Variants in SARS1 observed in about 807,000 individuals in gnomAD.
The protein encoded by SARS1 is seryl-tRNA synthetase 1.
Under a neutral mutation model 63.7 loss-of-function variants are expected in SARS1, and 25 were observed. The ratio of observed to expected loss-of-function variants is 0.39; its 90% confidence interval spans 0.29 to 0.55. The LOEUF is 0.55. SARS1 is among the 20% of genes least tolerant of loss of function. The pLI, the probability that SARS1 is intolerant of heterozygous loss-of-function variation, is 0.62. For synonymous variants in SARS1, 231 were observed against 243.5 expected (o/e 0.95, Z 0.48); for missense variants, 417 against 649.7 (o/e 0.64, Z 3.89).
chr1:109,226,677 A>AAAAAATATATATAT (rs1178056468), intron 2 of SARS1, among the ~76,000 whole-genome samples: 3 of 44,952 alleles, frequency 6.7e-5, no homozygotes, highest in African/African-American at 2.5e-4. Flanking sequence ...AAAAAAAAAA[A>AAAAAATATATATAT]ATATATATAT....
At position 109,237,018 on chromosome 1, in the gene SARS1, A is replaced by AC. The variant is rs1350789520; in HGVS notation, c.1258-224dup. 52 of 1,270,254 alleles carry AC rather than the reference A, an allele frequency of 4.1e-5. No homozygotes were observed. The highest frequency in any genetic ancestry group is 5.3e-5 in the Non-Finnish European group (50 of 938,512). 78.7% of individuals were successfully genotyped at this position (1,270,254 alleles called of 1,614,324 possible). On this transcript the variant is annotated intron_variant, in intron 9 of 10. Coordinates refer to ENST00000234677, the MANE Select transcript of SARS1 (RefSeq NM_006513.4). The surrounding 1 kb of genome is among the most constrained non-coding windows in gnomAD (Gnocchi z 4.1). ...CCCAACTCTCAGAATACCAGAAGCTACCACTTGTCACTCATCGAAACATGA... is the reference window on the plus strand; with the variant it reads ...CCCAACTCTCAGAATACCAGAAGCTACCCACTTGTCACTCATCGAAACATGA...
intron 1 of SARS1, among the ~76,000 whole-genome samples, chr1:109,220,009 A>G (rs1269496537): frequency 6.6e-6 from 1 of 151,972 alleles, no homozygotes; most frequent in African/African-American, 2.4e-5. Context: ...GCTTCTAGAG[A>G]CTCTTTTTTA....
intron 8 of SARS1, 70 bp downstream of exon 8, chr1:109,236,176 G>A: frequency 6.5e-7 from 1 of 1,533,704 alleles, no homozygotes; most frequent in East Asian, 2.2e-5. Context: ...CAGCTGAGCT[G>A]CCACACAGAG....
At chr1:109,222,133 G>C (rs1203385796) in intron 1 of SARS1, among the ~76,000 whole-genome samples, 1 of 144,680 alleles carries the variant, frequency 6.9e-6, no homozygotes, top group African/African-American at 2.6e-5. Context: ...CAAAGTGCTG[G>C]AATTACAGGC....
intron 6 of SARS1, among the ~76,000 whole-genome samples, chr1:109,231,999 C>A (rs2281895): frequency 0.11 from 17,268 of 152,086 alleles, 1,410 homozygotes; most frequent in East Asian, 0.46. Context: ...TAATGACTGC[C>A]ATATTAGACA....
chr1:109,235,167 C>A lies in SARS1; in HGVS notation c.748-43C>A. 6.7e-7 allele frequency: 1 copy of A among 1,492,654 alleles called. No homozygotes were observed. The highest frequency in any genetic ancestry group is 1.4e-5 in the African/African-American group (1 of 72,616). 92.5% of individuals were successfully genotyped at this position (1,492,654 alleles called of 1,614,324 possible). A position where few individuals can be genotyped will look rare whatever the true frequency, so the allele number is the denominator to read the frequency against. On this transcript the variant is annotated intron_variant, in intron 6 of 10. Transcript: ENST00000234677. This position sits in a 1 kb window ranked among gnomAD's most constrained non-coding sequence, Gnocchi z 4.7. The stretch of plus-strand genomic sequence containing the variant: ...GTGGTTTCTTATTCTAGCCAAGGTC[C>A]TCCCCACTTCCTCTTAACTGGTATA...
At position 109,237,499 on chromosome 1, in the gene SARS1, C is replaced by A; in HGVS notation, c.1387+126C>A. 1 of 1,442,158 alleles carries A rather than the reference C, an allele frequency of 6.9e-7. No individual in the cohort carries two copies. The highest frequency in any genetic ancestry group is 9.5e-7 in the Non-Finnish European group (1 of 1,049,608). The allele number at this position is 1,442,158 out of a possible 1,614,324, so 89.3% of individuals were successfully genotyped here. On this transcript the variant is annotated intron_variant, in intron 10 of 10. Transcript: ENST00000234677. This position sits in a 1 kb window ranked among gnomAD's most constrained non-coding sequence, Gnocchi z 4.1. ...CACAGCCCCTGAAACTCTGTCTGCC[C>A]TCTCGGGCTGGGCAGGGCAGGGGGC...
In SARS1 at chr1:109,230,149, G is replaced by A. The variant is rs370697105; in HGVS notation, c.447+577G>A. Among the ~76,000 whole-genome samples the A allele has an allele frequency of 8.4e-4, 127 of 151,988 alleles. 1 individual carries two copies. The highest frequency in any genetic ancestry group is 2.9e-3 in the African/African-American group (121 of 41,424). ...CAGGGCCCTGAGTCCGCCCTCATGT[G>A]GCCCTGGGACCAATGAGAGCCTGGA... On this transcript the variant is annotated intron_variant, in intron 4 of 10. Coordinates refer to ENST00000234677, the MANE Select transcript of SARS1 (RefSeq NM_006513.4).
intron 2 of SARS1, 113 bp from the exon 3 acceptor site, chr1:109,228,235 TTATG>T: frequency 2.5e-6 from 2 of 790,862 alleles, no homozygotes; most frequent in Non-Finnish European, 3.9e-6. Context: ...TTAGAAAAAT[TTATG>T]TAAGAAGTTC....
intron 2 of SARS1, among the ~76,000 whole-genome samples, chr1:109,226,965 A>G (rs1232700703): frequency 1.3e-5 from 2 of 149,774 alleles, no homozygotes; most frequent in African/African-American, 4.9e-5. Flanking sequence ...GTATCTTATT[A>G]TAATGACCTT....
At chr1:109,230,674 T>A (rs1260356173) in intron 4 of SARS1, among the ~76,000 whole-genome samples, 1 of 152,166 alleles carries the variant, frequency 6.6e-6, no homozygotes, top group East Asian at 1.9e-4. Context: ...GAGCATAGTG[T>A]TGCACACCTG....
intron 3 of SARS1, among the ~76,000 whole-genome samples, 173 bp from the exon 4 acceptor site, chr1:109,229,241 G>T (rs138633247): frequency 1.1e-4 from 16 of 152,352 alleles, no homozygotes; most frequent in Non-Finnish European, 2.2e-4. Flanking sequence ...GCAAGACTGT[G>T]TATATCTGTG....
At chr1:109,220,321 T>C (rs1654902078) in intron 1 of SARS1, among the ~76,000 whole-genome samples, 1 of 152,252 alleles carries the variant, frequency 6.6e-6, no homozygotes, top group Non-Finnish European at 1.5e-5. Context: ...GTTGTAATGA[T>C]TGATATTCCC....
intron 6 of SARS1, among the ~76,000 whole-genome samples, chr1:109,233,378 G>A (rs1250220171): frequency 6.6e-6 from 1 of 151,968 alleles, no homozygotes; most frequent in Non-Finnish European, 1.5e-5. Flanking sequence ...TAGAGCTTTC[G>A]TATGTTGTAT....
At chr1:109,220,480 C>A (rs953733832) in intron 1 of SARS1, among the ~76,000 whole-genome samples, 1 of 152,300 alleles carries the variant, frequency 6.6e-6, no homozygotes, top group Non-Finnish European at 1.5e-5. Context: ...AGATACTGAG[C>A]GCTTTTTCAT....
intron 1 of SARS1, among the ~76,000 whole-genome samples, chr1:109,223,173 A>G (rs12125002): frequency 0.44 from 66,378 of 152,084 alleles, 16,424 homozygotes; most frequent in Non-Finnish European, 0.55. Context: ...TCTTCCCCCA[A>G]AGGAAACCAA....
Position 109,237,693 on chromosome 1 carries a change from A to C in SARS1, c.1388-38A>C. On this transcript the variant is annotated intron_variant, in intron 10 of 10. Coordinates refer to ENST00000234677, the MANE Select transcript of SARS1 (RefSeq NM_006513.4). The surrounding 1 kb of genome is among the most constrained non-coding windows in gnomAD (Gnocchi z 4.1). Reference sequence around the variant, plus strand: ...GAGGTCTTAGGGCTTTGACTCACTGAGAAACAACAGGTCATTTGGTTGGCT... The same window carrying C: ...GAGGTCTTAGGGCTTTGACTCACTGCGAAACAACAGGTCATTTGGTTGGCT... The C allele has an allele frequency of 6.2e-7, 1 of 1,609,836 alleles. No individual in the cohort carries two copies. The highest frequency in any genetic ancestry group is 8.5e-7 in the Non-Finnish European group (1 of 1,177,646).
rs1654816959 is a variant in SARS1 at position 109,217,457 on chromosome 1, A to G, written c.136+3329A>G. 2.0e-5 allele frequency among the ~76,000 whole-genome samples: 3 copies of G among 151,872 alleles called. No individual in the cohort carries two copies. In the South Asian group the frequency reaches 6.2e-4, roughly 31 times the overall value. Reference sequence around the variant, plus strand: ...GTAATTGTTAATTTGTTTGTATCCAATATAAAAAATATAAAGAGAAACAGA... The same window carrying G: ...GTAATTGTTAATTTGTTTGTATCCAGTATAAAAAATATAAAGAGAAACAGA... On this transcript the variant is annotated intron_variant, in intron 1 of 10. Coordinates refer to ENST00000234677, the MANE Select transcript of SARS1 (RefSeq NM_006513.4).
Position 109,231,613 on chromosome 1 carries a change from G to T in SARS1, c.592-18G>T. 1 of 1,476,078 alleles carries T rather than the reference G, an allele frequency of 6.8e-7. No homozygotes were observed. The highest frequency in any genetic ancestry group is 9.0e-7 in the Non-Finnish European group (1 of 1,114,352). 91.4% of individuals were successfully genotyped at this position (1,476,078 alleles called of 1,614,324 possible). ...TGACAAGACCCAATCACATAGTACT[G>T]TGTCTCTGCTCCTCTAGGGGGTCCT... On this transcript the variant is annotated intron_variant, in intron 5 of 10. Transcript: ENST00000234677.
Sources: gnomAD v4.1 joint callset for allele counts (sites outside exome capture counted in the v4.1 genomes callset) on GRCh38, gnomAD v4.1.1 for gene constraint, Gnocchi (gnomAD v3.1) non-coding constraint, MANE v1.5 for transcripts, NCBI Gene and HGNC (gene_info 2026-07-23, HGNC 2026-07-21) for gene names.